The following MFN1 variants were observed in gnomAD, a reference collection of about 807,000 sequenced individuals.
The protein encoded by MFN1 is mitofusin 1, also known as mitofusin-1.
A neutral mutation model predicts 92.4 loss-of-function variants in MFN1; 65 were observed. That is an observed-to-expected ratio of 0.70 (90% CI 0.58 to 0.86). The LOEUF is 0.86. Ranked by LOEUF, MFN1 falls within the 40% of genes least tolerant of loss-of-function variation. The pLI, the probability that MFN1 is intolerant of heterozygous loss-of-function variation, is 0.00. For synonymous variants in MFN1, 297 were observed against 300.9 expected, an observed-to-expected ratio of 0.99 and a Z score of 0.13; for missense variants, 781 against 868.0, an observed-to-expected ratio of 0.90 and a Z score of 1.26.
chr3:179,389,709 C>T (rs1046064616), intron 16 of MFN1, among the ~76,000 whole-genome samples: 3 of 152,088 alleles, frequency 2.0e-5, no homozygotes, highest in Admixed American at 2.0e-4. Flanking sequence ...TTACTTTGCG[C>T]AGGGCCCCAA....
intron 16 of MFN1, 110 bp from the exon 17 acceptor site, chr3:179,389,894 A>G (rs552065347): frequency 1.3e-4 from 122 of 969,366 alleles, no homozygotes; most frequent in African/African-American, 1.1e-3. Context: ...CTGATTCCCT[A>G]TAGTTTAGAA....
intron 16 of MFN1, 32 bp from the exon 17 acceptor site, chr3:179,389,972 A>T (rs773532999): frequency 6.3e-7 from 1 of 1,581,706 alleles, no homozygotes; most frequent in South Asian, 1.2e-5. Context: ...TTTTGAAGAC[A>T]TTTATGACTG....
intron 2 of MFN1, among the ~76,000 whole-genome samples, chr3:179,350,543 G>C (rs1263073941): frequency 1.3e-5 from 2 of 152,174 alleles, no homozygotes; most frequent in Non-Finnish European, 2.9e-5. Flanking sequence ...CTAGGCACTA[G>C]TGAAATGACA....
intron 16 of MFN1, 125 bp from the exon 17 acceptor site, chr3:179,389,879 G>A: frequency 1.2e-6 from 1 of 806,844 alleles, no homozygotes; most frequent in Non-Finnish European, 1.9e-6. Flanking sequence ...ATCATTCTTA[G>A]TGTTCTGATT....
chr3:179,353,405 A>C (rs1302743934), intron 3 of MFN1, among the ~76,000 whole-genome samples: 1 of 150,838 alleles, frequency 6.6e-6, no homozygotes, highest in Non-Finnish European at 1.5e-5. Flanking sequence ...ATAGGGTTTC[A>C]CCATGTTGGC....
At chr3:179,369,813 AG>A (rs1276097698) in intron 9 of MFN1, among the ~76,000 whole-genome samples, 1 of 152,174 alleles carries the variant, frequency 6.6e-6, no homozygotes, top group East Asian at 1.9e-4. Flanking sequence ...AAATGTTTTT[AG>A]AGGAAACTTG....
intron 17 of MFN1, 43 bp from the exon 18 acceptor site, chr3:179,391,938 G>T: frequency 1.6e-6 from 2 of 1,277,396 alleles, no homozygotes; most frequent in South Asian, 1.3e-5. Context: ...TTTTCTCCTT[G>T]ACCTTTATAG....
At chr3:179,376,914 G>T in intron 10 of MFN1, 128 bp from the exon 11 acceptor site, 1 of 778,348 alleles carries the variant, frequency 1.3e-6, no homozygotes, top group Non-Finnish European at 2.0e-6. Flanking sequence ...AATCCTTTGA[G>T]ATGTTACAAG....
At chr3:179,349,090 G>A (rs867039203) in intron 2 of MFN1, 127 bp downstream of exon 2, 1 of 629,422 alleles carries the variant, frequency 1.6e-6, no homozygotes. Context: ...GTACCATAAT[G>A]AATAAAACCC....
rs1324268993 is a variant in MFN1 at position 179,392,575 on chromosome 3, C to A, written c.*516C>A. 6.6e-6 allele frequency: 1 copy of A among 152,232 alleles called. No homozygotes were observed. The highest frequency in any genetic ancestry group is 1.5e-5 in the Non-Finnish European group (1 of 68,062). The allele number at this position is 152,232 out of a possible 1,614,324, so 9.4% of individuals were successfully genotyped here. On this transcript the variant is annotated 3_prime_UTR_variant, in exon 18 of 18. Coordinates refer to ENST00000471841, the MANE Select transcript of MFN1 (RefSeq NM_033540.3). ...GCCATCATGGCAGCTATGTGAAACA[C>A]TAATAAATGTGTTTTTACTTTTTAT... is the stretch of plus-strand genomic sequence containing the variant.
At chr3:179,385,148 C>T (rs1303920680) in intron 14 of MFN1, among the ~76,000 whole-genome samples, 8 of 150,934 alleles carry the variant, frequency 5.3e-5, no homozygotes, top group African/African-American at 9.7e-5. Context: ...CTCCTGACCT[C>T]GAGATCCATC....
intron 2 of MFN1, among the ~76,000 whole-genome samples, chr3:179,350,054 G>T (rs547762546): frequency 6.6e-6 from 1 of 151,894 alleles, no homozygotes; most frequent in African/African-American, 2.4e-5. Flanking sequence ...CAGGAGGCTC[G>T]AGGAGGGAGA....
intron 2 of MFN1, among the ~76,000 whole-genome samples, chr3:179,349,244 ATC>A (rs1230318572): frequency 6.6e-6 from 1 of 152,188 alleles, no homozygotes; most frequent in African/African-American, 2.4e-5. Flanking sequence ...CATCACCACC[ATC>A]TGTCATTTTA....
At chr3:179,388,130 C>T (rs2108560248) in intron 16 of MFN1, among the ~76,000 whole-genome samples, 2 of 152,178 alleles carry the variant, frequency 1.3e-5, no homozygotes, top group East Asian at 1.9e-4. Flanking sequence ...CTCAAGTGAT[C>T]CACCTGCCTT....
chr3:179,385,522 T>TATATA, intron 14 of MFN1, 47 bp from the exon 15 acceptor site: 3 of 1,527,704 alleles, frequency 2.0e-6, no homozygotes, highest in Non-Finnish European at 2.6e-6. Flanking sequence ...GATAACTTTA[T>TATATA]AGTTGTTTAA....
chr3:179,372,764 G>T (rs1410702548), intron 9 of MFN1, among the ~76,000 whole-genome samples: 2 of 152,048 alleles, frequency 1.3e-5, no homozygotes, highest in Non-Finnish European at 2.9e-5. Context: ...CTTCATTGCT[G>T]ATATCTAGAT....
In MFN1 at chr3:179,347,711, T is replaced by A. The variant is rs1711962827; in HGVS notation, c.-107T>A. 1 of 152,196 alleles carries A rather than the reference T, an allele frequency of 6.6e-6. No homozygotes were observed. Among genetic ancestry groups the A allele is most frequent in the Non-Finnish European group, 1.5e-5 (1 of 68,042 alleles). 9.4% of individuals were successfully genotyped at this position (152,196 alleles called of 1,614,324 possible). Reference sequence around the variant, plus strand: ...GCCGGAAGTGACCGCCCTTTGCCACTCCCCCTGCCTCCTCTCCGCCTTTAA... The same window carrying A: ...GCCGGAAGTGACCGCCCTTTGCCACACCCCCTGCCTCCTCTCCGCCTTTAA... On this transcript the variant is annotated 5_prime_UTR_variant, in exon 1 of 18. Coordinates refer to ENST00000471841, the MANE Select transcript of MFN1 (RefSeq NM_033540.3).
rs1283992520 is a variant in MFN1 at position 179,358,225 on chromosome 3, A to T, written c.249-615A>T. On this transcript the variant is annotated intron_variant, in intron 3 of 17. Transcript: ENST00000471841. ...GAGTGCAGTGGCGCGATCTTGGCTC[A>T]CTGCAACCTCCACCTCCTGGGTGCA... Among the ~76,000 whole-genome samples the T allele has an allele frequency of 2.1e-5, 3 of 139,744 alleles. No individual in the cohort carries two copies. In the Admixed American group the frequency reaches 2.4e-4, roughly 11 times the overall value. The allele number at this position is 139,744 out of a possible 152,430, so 91.7% of individuals were successfully genotyped here. A position where few individuals can be genotyped will look rare whatever the true frequency, so the allele number is the denominator to read the frequency against.
At chr3:179,364,274 A>G (rs754138962) in intron 5 of MFN1, 23 bp from the exon 6 acceptor site, 10 of 1,512,742 alleles carry the variant, frequency 6.6e-6, no homozygotes, top group Non-Finnish European at 8.9e-6. Flanking sequence ...AATATAATAC[A>G]ATTTTTATTT....
Sources: gnomAD v4.1 joint callset for allele counts (sites outside exome capture counted in the v4.1 genomes callset) on GRCh38, gnomAD v4.1.1 for gene constraint, MANE v1.5 for transcripts, NCBI Gene and HGNC (gene_info 2026-07-23, HGNC 2026-07-21) for gene names.